USF3: variants seen among roughly 807,000 people sequenced by gnomAD.
USF3 encodes the protein basic helix-loop-helix domain-containing protein USF3.
Under a neutral mutation model 157.5 loss-of-function variants are expected in USF3, and 29 were observed. The ratio of observed to expected loss-of-function variants is 0.18; its 90% CI spans 0.14 to 0.25. The LOEUF is 0.25. USF3 is among the 10% of genes least tolerant of loss of function. The pLI is 1.00. For synonymous variants in USF3, 893 were observed against 941.4 expected (o/e 0.95, Z 0.94); for missense variants, 2,381 against 2,667.6 (o/e 0.89, Z 2.37).
In USF3 at chr3:113,649,081, T is replaced by C. The variant is rs1409863247; in HGVS notation, c.*5863A>G. 2 of 152,556 alleles carry C rather than the reference T, an allele frequency of 1.3e-5. No individual in the cohort carries two copies. Among genetic ancestry groups the C allele is most frequent in the African/African-American group, 4.8e-5 (2 of 41,442 alleles). 9.5% of individuals were successfully genotyped at this position (152,556 alleles called of 1,614,324 possible). ...GTGACTTCACAGATGAAAAATGATT[T>C]GAAGACTTCAGGGGTGGGAGCACAG... On this transcript the variant is annotated 3_prime_UTR_variant, in exon 7 of 7. Transcript: ENST00000316407.
chr3:113,655,415 C>T lies in USF3; in HGVS notation c.6267G>A (p.Gln2089=), dbSNP rs191964329. Residue 2089 remains glutamine, a synonymous_variant, in exon 7 of 7, where the codon CAG becomes CAA. Coordinates refer to ENST00000316407, the MANE Select transcript of USF3 (RefSeq NM_001009899.4). ...GGGCTGGAGTTCGAGTGGCACTAGG[C>T]TGAGTAACCTGTGGAATGAAAGAAG... is the stretch of plus-strand genomic sequence containing the variant. The part of the protein sequence containing the change: ...ANASFIPQVT[Q]PSATRTPALI... 78 of 1,614,044 alleles carry T rather than the reference C, an allele frequency of 4.8e-5. 2 individuals carry two copies. The Admixed American group carries it at 1.1e-3, about 22-fold the overall frequency.
chr3:113,670,822 C>G (rs2107938671), intron 4 of USF3, among the ~76,000 whole-genome samples: 1 of 152,284 alleles, frequency 6.6e-6, no homozygotes, highest in South Asian at 2.1e-4. Context: ...TCTCAGCTCA[C>G]TGCAATCTCC....
intron 4 of USF3, among the ~76,000 whole-genome samples, chr3:113,670,476 G>A (rs920502666): frequency 6.6e-6 from 1 of 152,130 alleles, no homozygotes; most frequent in Admixed American, 6.5e-5. Flanking sequence ...GCACACGCCT[G>A]TAGTCCCAGC....
intron 1 of USF3, among the ~76,000 whole-genome samples, chr3:113,693,194 T>C (rs181363556): frequency 3.3e-5 from 5 of 152,342 alleles, no homozygotes; most frequent in African/African-American, 1.2e-4. Context: ...TAATCACAAA[T>C]ACAATGTTAG....
Position 113,658,517 on chromosome 3 carries a change from G to A in USF3, c.3165C>T (p.Asn1055=). 6.2e-7 allele frequency: 1 copy of A among 1,613,940 alleles called. No individual in the cohort carries two copies. Among genetic ancestry groups the A allele is most frequent in the East Asian group, 2.2e-5 (1 of 44,886 alleles). ...LHPKQELLLM[N]NDDRDPPQHH... ...GCTGTGGAGGATCTCTATCATCATT[G>A]TTCATCAGTAATAGTTCCTGTTTGG... The change falls in exon 7 of 7, where the codon AAC becomes AAT. Residue 1055 remains asparagine (N), a synonymous_variant. Transcript: ENST00000316407.
rs374905342 is a variant in USF3, at chr3:113,660,773, G to A, written c.909C>T (p.Ile303=). The part of the protein sequence containing the change: ...LKKMTPCVTN[I]PHSSSATATK... ...TGGCAGTTGCTGAGGAGCTGTGGGGGATGTTTGTAACACAAGGGGTCATTT... is the reference window on the plus strand; with the variant it reads ...TGGCAGTTGCTGAGGAGCTGTGGGGAATGTTTGTAACACAAGGGGTCATTT... The change falls in exon 7 of 7, where the codon ATC becomes ATT. Residue 303 remains isoleucine, a synonymous_variant. Coordinates refer to ENST00000316407, the MANE Select transcript of USF3 (RefSeq NM_001009899.4). 3.1e-6 allele frequency: 5 copies of A among 1,614,056 alleles called. No individual in the cohort carries two copies. The East Asian group carries it at 6.7e-5, about 22-fold the overall frequency.
chr3:113,685,069 TA>T (rs1707517671), intron 1 of USF3, among the ~76,000 whole-genome samples: 1 of 152,212 alleles, frequency 6.6e-6, no homozygotes, highest in Admixed American at 6.5e-5. Flanking sequence ...ATATGTGCAT[TA>T]GGGGGCACTC....
intron 1 of USF3, among the ~76,000 whole-genome samples, chr3:113,679,705 C>T (rs1435125735): frequency 6.6e-6 from 1 of 152,114 alleles, no homozygotes; most frequent in Non-Finnish European, 1.5e-5. Context: ...TAAGCCACCA[C>T]GCCCAGCCTC....
intron 1 of USF3, among the ~76,000 whole-genome samples, chr3:113,685,791 G>A (rs1707533336): frequency 6.6e-6 from 1 of 152,164 alleles, no homozygotes; most frequent in Non-Finnish European, 1.5e-5. Flanking sequence ...TCTCTTTAGG[G>A]CAGTGGGTTC....
chr3:113,671,430 C>G (rs1406105800), intron 4 of USF3, among the ~76,000 whole-genome samples: 1 of 152,074 alleles, frequency 6.6e-6, no homozygotes, highest in Non-Finnish European at 1.5e-5. Flanking sequence ...TGGATCTTTC[C>G]CATCAAAGAA....
At chr3:113,678,932 A>C (rs1707344209) in intron 1 of USF3, among the ~76,000 whole-genome samples, 1 of 151,860 alleles carries the variant, frequency 6.6e-6, no homozygotes, top group African/African-American at 2.4e-5. Flanking sequence ...TTTTTTGTAG[A>C]GATGGGATCT....
chr3:113,687,415 G>C (rs1042421610), intron 1 of USF3, among the ~76,000 whole-genome samples: 2 of 152,158 alleles, frequency 1.3e-5, no homozygotes, highest in Non-Finnish European at 2.9e-5. Context: ...CCAAGATCCA[G>C]GTGCTGCCTG....
Position 113,658,810 on chromosome 3 carries a change from C to A in USF3, c.2872G>T (p.Val958Phe), listed in dbSNP as rs200212545. The change falls in exon 7 of 7, where the codon GTT becomes TTT. Residue 958 changes from valine (V) to phenylalanine (F), a missense_variant. Transcript: ENST00000316407. ...CTTGTTGTAGATGACAAACCAGGAACCTGAGAAACCAAAATGTGAGGATCA... is the reference window on the plus strand; with the variant it reads ...CTTGTTGTAGATGACAAACCAGGAAACTGAGAAACCAAAATGTGAGGATCA... ...PSDPHILVSQ[V>F]PGLSSTTSTT... 104 of 1,613,928 alleles carry A rather than the reference C, an allele frequency of 6.4e-5. No individual in the cohort carries two copies. The highest frequency in any genetic ancestry group is 4.1e-5 in the Non-Finnish European group (48 of 1,180,030).
Position 113,660,321 on chromosome 3 carries a change from A to T in USF3, c.1361T>A (p.Val454Glu), listed in dbSNP as rs187780774. The T allele has an allele frequency of 2.2e-5, 35 of 1,614,248 alleles. No homozygotes were observed. In the South Asian group the frequency reaches 2.3e-4, roughly 11 times the overall value. Residue 454 changes from valine to glutamate, a missense_variant, in exon 7 of 7, where the codon GTG (valine) becomes GAG (glutamate). Coordinates refer to ENST00000316407, the MANE Select transcript of USF3 (RefSeq NM_001009899.4). ...ACCAGACTCATTTAATACTGGAGTC[A>T]CAGCAGAAGATGGTGTCTGGCTTAA... ...QPLSQTPSSA[V>E]TPVLNESGTS...
In USF3 at chr3:113,659,621, A is replaced by G; in HGVS notation, c.2061T>C (p.Pro687=). Residue 687 remains proline, a synonymous_variant, in exon 7 of 7, where the codon CCT becomes CCC. Transcript: ENST00000316407. ...MSSSGTTNQT[P]MQIIQPTTSE... is the part of the protein sequence containing the mutation. Reference sequence around the variant, plus strand: ...TGGTGGTGGGTTGAATAATTTGCATAGGGGTTTGATTTGTAGTTCCTGATG... The same window carrying G: ...TGGTGGTGGGTTGAATAATTTGCATGGGGGTTTGATTTGTAGTTCCTGATG... 1 of 1,614,190 alleles carries G rather than the reference A, an allele frequency of 6.2e-7. No individual in the cohort carries two copies. Among genetic ancestry groups the G allele is most frequent in the Non-Finnish European group, 8.5e-7 (1 of 1,179,996 alleles).
chr3:113,693,141 T>C (rs996756650), intron 1 of USF3, among the ~76,000 whole-genome samples: 81 of 152,356 alleles, frequency 5.3e-4, no homozygotes, highest in Admixed American at 5.2e-3. Flanking sequence ...ATATATAACA[T>C]GGCAGTCATT....
At chr3:113,666,768 T>C (rs963438909) in intron 5 of USF3, among the ~76,000 whole-genome samples, 2 of 151,486 alleles carry the variant, frequency 1.3e-5, no homozygotes, top group African/African-American at 4.9e-5. Flanking sequence ...TTTTGTTTTT[T>C]TAGTAGAGAT....
At position 113,655,513 on chromosome 3, in the gene USF3, G is replaced by A. The variant is rs11540067; in HGVS notation, c.6169C>T (p.His2057Tyr). Residue 2057 changes from histidine (H) to tyrosine (Y), a missense_variant, in exon 7 of 7, where the codon CAT (histidine) becomes TAT (tyrosine). His to Tyr is a moderately conservative substitution (Grantham distance 83). Coordinates refer to ENST00000316407, the MANE Select transcript of USF3 (RefSeq NM_001009899.4). ...VPNDNSGPDQ[H>Y]TLSQNFGFSF... ...AAACCAAAATTTTGTGATAGTGTAT[G>A]CTGGTCAGGACCTGAATTATCATTA... is the stretch of plus-strand genomic sequence containing the variant. The A allele has an allele frequency of 8.1e-6, 13 of 1,614,156 alleles. No individual in the cohort carries two copies. The highest frequency in any genetic ancestry group is 1.1e-5 in the Non-Finnish European group (13 of 1,180,022).
Position 113,684,481 on chromosome 3 carries a change from A to G in USF3, c.-134-7084T>C, listed in dbSNP as rs556383250. Among the ~76,000 whole-genome samples the G allele has an allele frequency of 3.3e-5, 5 of 152,274 alleles. No homozygotes were observed. In the East Asian group the frequency reaches 7.7e-4, roughly 23 times the overall value. On this transcript the variant is annotated intron_variant, in intron 1 of 6. Coordinates refer to ENST00000316407, the MANE Select transcript of USF3 (RefSeq NM_001009899.4). ...TCTCTCCACTTCCTCTTTAAGACCA[A>G]TAACTCTTAGATTTCCCCTTTTGAA... is the stretch of plus-strand genomic sequence containing the variant.
Sources: gnomAD v4.1 joint callset for allele counts (sites outside exome capture counted in the v4.1 genomes callset) on GRCh38, gnomAD v4.1.1 for gene constraint, MANE v1.5 for transcripts, NCBI Gene and HGNC (gene_info 2026-07-23, HGNC 2026-07-21) for gene names.